The following SLC19A3 variants were observed in gnomAD, a reference collection of about 807,000 sequenced individuals.
The protein encoded by SLC19A3 is solute carrier family 19 member 3.
A neutral mutation model predicts 40.2 loss-of-function variants in SLC19A3; 31 were observed. That is an observed-to-expected ratio of 0.77 (90% CI 0.58 to 1.04). The LOEUF (loss-of-function observed/expected upper bound fraction) is 1.04, where lower values mean the gene tolerates loss of function less well. SLC19A3 is among the 50% of genes least tolerant of loss of function. The pLI, the probability that SLC19A3 is intolerant of heterozygous loss-of-function variation, is 0.00. For synonymous variants in SLC19A3, 212 were observed against 227.5 expected (o/e 0.93, Z 0.61); for missense variants, 592 against 596.7 (o/e 0.99, Z 0.08).
At chr2:227,711,021 A>G (rs1020555062) in intron 1 of SLC19A3, among the ~76,000 whole-genome samples, 4 of 152,342 alleles carry the variant, frequency 2.6e-5, no homozygotes, top group East Asian at 1.9e-4. Context: ...AATAAAGCAA[A>G]GGGCTGCAGT....
At position 227,699,479 on chromosome 2, in the gene SLC19A3, T is replaced by C; in HGVS notation, c.236A>G (p.Tyr79Cys). Residue 79 changes from tyrosine to cysteine, a missense_variant, in exon 3 of 6, where the codon TAC becomes TGC. Physicochemically the swap from Tyr to Cys is radical, Grantham distance 194. Coordinates refer to ENST00000644224, the MANE Select transcript of SLC19A3 (RefSeq NM_025243.4). ...PVFVLTDYVR[Y>C]KPVIILQGIS... The stretch of plus-strand genomic sequence containing the variant: ...ACCTTGCAAGATGATGACTGGCTTG[T>C]AGCGGACATAATCGGTGAGGACAAA... The C allele has an allele frequency of 6.2e-7, 1 of 1,614,176 alleles. No homozygotes were observed.
At chr2:227,687,890 A>G (rs554274722) in intron 5 of SLC19A3, among the ~76,000 whole-genome samples, 1 of 152,316 alleles carries the variant, frequency 6.6e-6, no homozygotes, top group East Asian at 1.9e-4. Flanking sequence ...ACCTGTCTCT[A>G]TGTCTTTGTT....
chr2:227,702,259 G>A lies in SLC19A3; in HGVS notation c.60C>T (p.Cys20=). ...TCATCATGGAGAAAAAACCAAATAA[G>A]CAGAGGATCACAGTGGGGTAAATCC... is the stretch of plus-strand genomic sequence containing the variant. The part of the protein sequence containing the change: ...SSWIYPTVIL[C]LFGFFSMMRP... The change falls in exon 2 of 6, where the codon TGC becomes TGT. Residue 20 remains cysteine, a synonymous_variant. Transcript: ENST00000644224. 1 of 1,613,892 alleles carries A rather than the reference G, an allele frequency of 6.2e-7. No individual in the cohort carries two copies. The highest frequency in any genetic ancestry group is 8.5e-7 in the Non-Finnish European group (1 of 1,179,802).
intron 2 of SLC19A3, among the ~76,000 whole-genome samples, chr2:227,700,090 T>C (rs1462950393): frequency 1.3e-5 from 2 of 152,016 alleles, no homozygotes; most frequent in Non-Finnish European, 2.9e-5. Flanking sequence ...TTGATCAGGT[T>C]GATCTTGAAC....
chr2:227,692,630 T>C (rs558530100), intron 4 of SLC19A3, among the ~76,000 whole-genome samples: 1 of 152,294 alleles, frequency 6.6e-6, no homozygotes, highest in East Asian at 1.9e-4. Context: ...CTTTACTCTC[T>C]AAGATTTGGA....
rs78796362 is a variant in SLC19A3 at position 227,685,538 on chromosome 2, G to T, written c.*1859C>A. ...GGATTACACTTCAACGTGAGATTTG[G>T]TGGGGACACAGATCCAAACCATATC... On this transcript the variant is annotated 3_prime_UTR_variant, in exon 6 of 6. Transcript: ENST00000644224. 6.6e-6 allele frequency: 1 copy of T among 152,198 alleles called. No individual in the cohort carries two copies. The highest frequency in any genetic ancestry group is 2.4e-5 in the African/African-American group (1 of 41,442). 9.4% of individuals were successfully genotyped at this position (152,198 alleles called of 1,614,324 possible).
In SLC19A3 at chr2:227,687,577, G is replaced by T. The variant is rs758218592; in HGVS notation, c.1315-4C>A. The T allele has an allele frequency of 7.4e-6, 12 of 1,613,218 alleles. No individual in the cohort carries two copies. Among genetic ancestry groups the T allele is most frequent in the Non-Finnish European group, 9.3e-6 (11 of 1,179,642 alleles). On this transcript the variant is annotated splice_polypyrimidine_tract_variant and splice_region_variant and intron_variant, in intron 5 of 5. Transcript: ENST00000644224. ...AATAGCTCCCATAAACTAAAAACTGGAGAAAAACAAATAATTAGCCACATA... is the reference window on the plus strand; with the variant it reads ...AATAGCTCCCATAAACTAAAAACTGTAGAAAAACAAATAATTAGCCACATA...
intron 1 of SLC19A3, chr2:227,702,548 C>T (rs1377382303): frequency 2.0e-6 from 1 of 503,794 alleles, no homozygotes. Context: ...TGCCTGCCAC[C>T]ATGACTGGAT....
At chr2:227,690,099 C>G (rs1188934515) in intron 4 of SLC19A3, among the ~76,000 whole-genome samples, 2 of 152,018 alleles carry the variant, frequency 1.3e-5, no homozygotes, top group Non-Finnish European at 2.9e-5. Flanking sequence ...CACTGCAAAA[C>G]CAGAAAAGAA....
rs1336208479 is a variant in SLC19A3 at position 227,703,993 on chromosome 2, A to G, written c.-2-1673T>C. On this transcript the variant is annotated intron_variant, in intron 1 of 5. Coordinates refer to ENST00000644224, the MANE Select transcript of SLC19A3 (RefSeq NM_025243.4). The surrounding 1 kb of genome is among the most constrained non-coding windows in gnomAD (Gnocchi z 4.7). The stretch of plus-strand genomic sequence containing the variant: ...GGGATGGTCAAGCAGAAAAAAACCT[A>G]TAATAAGACATGCCCTACTAAAGTA... Among the ~76,000 whole-genome samples, 3 of 151,968 alleles carry G rather than the reference A, an allele frequency of 2.0e-5. No individual in the cohort carries two copies. Among genetic ancestry groups the G allele is most frequent in the South Asian group, 4.2e-4 (2 of 4,816 alleles).
intron 1 of SLC19A3, among the ~76,000 whole-genome samples, chr2:227,709,095 C>G (rs1323393109): frequency 1.3e-5 from 2 of 152,202 alleles, no homozygotes; most frequent in African/African-American, 4.8e-5. Flanking sequence ...GTATCTATCT[C>G]TAAGTGCATA....
chr2:227,696,049 T>C lies in SLC19A3; in HGVS notation c.1012A>G (p.Lys338Glu). 1 of 1,612,796 alleles carries C rather than the reference T, an allele frequency of 6.2e-7. No homozygotes were observed. The highest frequency in any genetic ancestry group is 8.5e-7 in the Non-Finnish European group (1 of 1,179,836). Reference protein sequence around the residue: ...AVAAFAVGYVKVNWDLLGELA... With the variant: ...AVAAFAVGYVEVNWDLLGELA... ...TCTCCCAGAAGGTCCCAGTTGACTTTCACATAACCCACTGCAAAGGCAGCC... is the reference window on the plus strand; with the variant it reads ...TCTCCCAGAAGGTCCCAGTTGACTTCCACATAACCCACTGCAAAGGCAGCC... The change falls in exon 4 of 6, where the codon AAA becomes GAA. Residue 338 changes from lysine (K) to glutamate (E), a missense_variant. By Grantham distance (56) the Lys-to-Glu change is moderately conservative. Coordinates refer to ENST00000644224, the MANE Select transcript of SLC19A3 (RefSeq NM_025243.4).
rs982512711 is a variant in SLC19A3, at chr2:227,702,525, C to G, written c.-2-205G>C. The G allele has an allele frequency of 5.4e-6, 3 of 556,516 alleles. No homozygotes were observed. In the East Asian group the frequency reaches 9.7e-5, roughly 18 times the overall value. 34.5% of individuals were successfully genotyped at this position (556,516 alleles called of 1,614,324 possible). ...TCTCCTGCCTCAGCCTCCCAAGTAG[C>G]TGGGATTACAGGTGCCTGCCACCAT... On this transcript the variant is annotated intron_variant, in intron 1 of 5. Transcript: ENST00000644224.
At position 227,698,883 on chromosome 2, in the gene SLC19A3, G is replaced by C; in HGVS notation, c.832C>G (p.Leu278Val). 1 of 1,614,150 alleles carries C rather than the reference G, an allele frequency of 6.2e-7. No individual in the cohort carries two copies. Among genetic ancestry groups the C allele is most frequent in the East Asian group, 2.2e-5 (1 of 44,858 alleles). ...DLKECYSSKR[L>V]FYWSLWWAFA... ...GCCCACCATAGAGACCAGTAGAAAA[G>C]ACGTTTTGAGGAGTAGCACTCCTTC... is the stretch of plus-strand genomic sequence containing the variant. The change falls in exon 3 of 6, where the codon CTT becomes GTT. Residue 278 changes from leucine (L) to valine (V), a missense_variant. Leu to Val is a conservative substitution (Grantham distance 32, BLOSUM62 1). Coordinates refer to ENST00000644224, the MANE Select transcript of SLC19A3 (RefSeq NM_025243.4).
At chr2:227,706,219 A>G in intron 1 of SLC19A3, 2 of 759,598 alleles carry the variant, frequency 2.6e-6, no homozygotes, top group Non-Finnish European at 3.6e-6. Flanking sequence ...TGATCCCGTC[A>G]TATTATCCGC....
rs1366317721 is a variant in SLC19A3 at position 227,699,351 on chromosome 2, C to T, written c.364G>A (p.Ala122Thr). The T allele has an allele frequency of 7.4e-6, 12 of 1,614,062 alleles. No homozygotes were observed. Among genetic ancestry groups the T allele is most frequent in the Non-Finnish European group, 8.5e-6 (10 of 1,180,048 alleles). The stretch of plus-strand genomic sequence containing the variant: ...ACGCTGTATATGTAGGCGTAGTAGG[C>T]CACCTCGGCGGCGGTGACCATCCCA... ...FYGMVTAAEV[A>T]YYAYIYSVVS... The change falls in exon 3 of 6, where the codon GCC (alanine) becomes ACC (threonine). Residue 122 changes from alanine to threonine, a missense_variant. By Grantham distance (58) the Ala-to-Thr change is moderately conservative. Coordinates refer to ENST00000644224, the MANE Select transcript of SLC19A3 (RefSeq NM_025243.4).
chr2:227,712,050 CAAAAAAAAAAAA>C (rs397988111), intron 1 of SLC19A3, among the ~76,000 whole-genome samples: 3 of 65,460 alleles, frequency 4.6e-5, no homozygotes, highest in East Asian at 1.1e-3. Context: ...ACTCTGTCTC[CAAAAAAAAAAAA>C]AAAAAAAAAA....
chr2:227,696,692 G>T (rs1695449814), intron 3 of SLC19A3, among the ~76,000 whole-genome samples: 1 of 152,114 alleles, frequency 6.6e-6, no homozygotes, highest in Non-Finnish European at 1.5e-5. Flanking sequence ...TATCTATATA[G>T]ACTTACAGAG....
At position 227,702,331 on chromosome 2, in the gene SLC19A3, G is replaced by T. The variant is rs759915200; in HGVS notation, c.-2-11C>A. ...TGTAACAATCCATGGCTGATCAAAT[G>T]GAAACAAAGAGAAAATTAAGTGATG... On this transcript the variant is annotated splice_polypyrimidine_tract_variant and intron_variant, in intron 1 of 5. Transcript: ENST00000644224. 2.5e-5 allele frequency: 41 copies of T among 1,613,402 alleles called. No homozygotes were observed. In the East Asian group the frequency reaches 8.9e-4, roughly 35 times the overall value.
Sources: gnomAD v4.1 joint callset for allele counts (sites outside exome capture counted in the v4.1 genomes callset) on GRCh38, gnomAD v4.1.1 for gene constraint, Gnocchi (gnomAD v3.1) non-coding constraint, MANE v1.5 for transcripts, NCBI Gene and HGNC (gene_info 2026-07-23, HGNC 2026-07-21) for gene names.